The following SEMA5A variants were observed in gnomAD, a reference collection of about 807,000 sequenced individuals.
The protein encoded by SEMA5A is semaphorin 5A.
In SEMA5A, 55 loss-of-function variants were observed where a neutral mutation model predicts 135.5. That is an observed-to-expected ratio of 0.41 (90% CI 0.33 to 0.51). The LOEUF (loss-of-function observed/expected upper bound fraction) is 0.51, where lower values mean the gene tolerates loss of function less well. Among genes scored for constraint, SEMA5A ranks in the 20% least tolerant of loss-of-function variants. The pLI, the probability that SEMA5A is intolerant of heterozygous loss-of-function variation, is 0.37. For missense variants in SEMA5A, 1,290 were observed against 1,419.9 expected, an observed-to-expected ratio of 0.91 and a Z score of 1.47; for synonymous variants, 580 against 546.5, an observed-to-expected ratio of 1.06 and a Z score of -0.85.
intron 5 of SEMA5A, among the ~76,000 whole-genome samples, chr5:9,250,538 T>C (rs1348238594): frequency 6.6e-6 from 1 of 152,188 alleles, no homozygotes; most frequent in Non-Finnish European, 1.5e-5. Context: ...GTTTTGATCA[T>C]CACACTTTTA....
intron 4 of SEMA5A, among the ~76,000 whole-genome samples, chr5:9,328,684 G>A (rs1752984105): frequency 6.6e-6 from 1 of 152,172 alleles, no homozygotes; most frequent in Non-Finnish European, 1.5e-5. Flanking sequence ...GCTGAGGCAG[G>A]AGAATTGCTT....
chr5:9,498,539 G>T (rs1027714730), intron 1 of SEMA5A: 1 of 152,140 alleles, frequency 6.6e-6, no homozygotes, highest in East Asian at 1.9e-4. Context: ...TGGATGCTAC[G>T]TGGAAGGTGG....
At chr5:9,514,678 C>T (rs1387630821) in intron 1 of SEMA5A, among the ~76,000 whole-genome samples, 1 of 152,162 alleles carries the variant, frequency 6.6e-6, no homozygotes, top group Non-Finnish European at 1.5e-5. Flanking sequence ...AAAGTCTGTA[C>T]ATGTTCAGTA....
At chr5:9,048,187 G>T (rs1226737415) in intron 21 of SEMA5A, among the ~76,000 whole-genome samples, 9 of 152,266 alleles carry the variant, frequency 5.9e-5, no homozygotes, top group African/African-American at 2.2e-4. Flanking sequence ...CAGGGCTACT[G>T]TGGCTCGAGC....
rs1277481065 is a variant in SEMA5A at position 9,162,456 on chromosome 5, A to G, written c.1274-7761T>C. 2.4e-4 allele frequency among the ~76,000 whole-genome samples: 29 copies of G among 121,230 alleles called. 1 individual carries two copies. Among genetic ancestry groups the G allele is most frequent in the East Asian group, 8.8e-4 (4 of 4,544 alleles). 79.5% of individuals were successfully genotyped at this position (121,230 alleles called of 152,430 possible). On this transcript the variant is annotated intron_variant, in intron 11 of 22. Coordinates refer to ENST00000382496, the MANE Select transcript of SEMA5A (RefSeq NM_003966.3). ...TATATATATGTGTATGTGTATATAT[A>G]TGTGTGTGTATATATATGTGTGTGT...
chr5:9,272,925 A>C (rs1750058795), intron 5 of SEMA5A, among the ~76,000 whole-genome samples: 1 of 152,136 alleles, frequency 6.6e-6, no homozygotes. Flanking sequence ...AAAAATACTA[A>C]AAATTCCAAA....
rs117548417 is a variant in SEMA5A, at chr5:9,111,551, G to A, written c.1926-3264C>T. ...GTGTTAATAAATTGTCTACTGAGCT[G>A]CATTTTAAGGTTGTCAATAACCTGC... On this transcript the variant is annotated intron_variant, in intron 15 of 22. Coordinates refer to ENST00000382496, the MANE Select transcript of SEMA5A (RefSeq NM_003966.3). 7.9e-5 allele frequency among the ~76,000 whole-genome samples: 12 copies of A among 152,290 alleles called. No individual in the cohort carries two copies. The East Asian group carries it at 1.9e-3, about 24-fold the overall frequency.
intron 5 of SEMA5A, among the ~76,000 whole-genome samples, chr5:9,290,119 G>A (rs563682654): frequency 7.2e-5 from 11 of 152,020 alleles, no homozygotes; most frequent in African/African-American, 2.2e-4. Context: ...AAGTTTTTTC[G>A]TGGTGATTTC....
At chr5:9,496,927 A>G (rs1735333808) in intron 1 of SEMA5A, among the ~76,000 whole-genome samples, 1 of 152,256 alleles carries the variant, frequency 6.6e-6, no homozygotes, top group Non-Finnish European at 1.5e-5. Flanking sequence ...CGAGTGGAGC[A>G]TTTGAGATAA....
At chr5:9,123,281 A>C in intron 13 of SEMA5A, among the ~76,000 whole-genome samples, 1 of 129,816 alleles carries the variant, frequency 7.7e-6, no homozygotes, top group African/African-American at 3.3e-5. Context: ...AAAAAAAAAA[A>C]AAAAAAAAAA....
chr5:9,292,109 G>A (rs4540155), intron 5 of SEMA5A, among the ~76,000 whole-genome samples: 133,271 of 152,070 alleles, frequency 0.88, 59,603 homozygotes, highest in East Asian at 0.97. Flanking sequence ...CAACAGTGGC[G>A]TTTAGAAGAT....
At chr5:9,228,599 GCA>G (rs1019502204) in intron 6 of SEMA5A, among the ~76,000 whole-genome samples, 29 of 152,246 alleles carry the variant, frequency 1.9e-4, no homozygotes, top group African/African-American at 7.0e-4. Context: ...AAACCAATGT[GCA>G]GGATAAGCTG....
intron 5 of SEMA5A, among the ~76,000 whole-genome samples, chr5:9,293,468 G>A (rs951333854): frequency 6.6e-6 from 1 of 152,118 alleles, no homozygotes; most frequent in African/African-American, 2.4e-5. Flanking sequence ...ACACAAACTT[G>A]AACTTTTGAA....
intron 1 of SEMA5A, among the ~76,000 whole-genome samples, chr5:9,450,627 T>C (rs1299719405): frequency 6.6e-6 from 1 of 152,064 alleles, no homozygotes; most frequent in Non-Finnish European, 1.5e-5. Context: ...CTCTCCCCAG[T>C]CAGCCACAGA....
chr5:9,042,987 C>T lies in SEMA5A; in HGVS notation c.3135G>A (p.Glu1045=), dbSNP rs775379118. 1.9e-6 allele frequency: 3 copies of T among 1,611,754 alleles called. No individual in the cohort carries two copies. Among genetic ancestry groups the T allele is most frequent in the East Asian group, 2.2e-5 (1 of 44,798 alleles). Residue 1045 remains glutamate (E), a synonymous_variant, in exon 23 of 23, where the codon GAG becomes GAA. Coordinates refer to ENST00000382496, the MANE Select transcript of SEMA5A (RefSeq NM_003966.3). ...KAFNKNNLIL[E]ERNKYFNPHL... is the part of the protein sequence containing the mutation. ...GTGGGTTGAAGTATTTGTTTCTTTC[C>T]TCTAGGATCAAGTTGTTTTTGTTAA...
chr5:9,525,695 C>A (rs115210285), intron 1 of SEMA5A, among the ~76,000 whole-genome samples: 1,962 of 152,294 alleles, frequency 0.013, 15 homozygotes, highest in Non-Finnish European at 0.02. Context: ...GGTCCTGTCC[C>A]TGCTAAAATC....
intron 11 of SEMA5A, among the ~76,000 whole-genome samples, chr5:9,164,125 CATATAA>C: frequency 9.8e-6 from 1 of 101,536 alleles, no homozygotes; most frequent in African/African-American, 5.0e-5. Context: ...ATAAATATAT[CATATAA>C]ATATTTATAT....
Position 9,075,455 on chromosome 5 carries a change from G to A in SEMA5A, c.2074-8809C>T, listed in dbSNP as rs149536785. Among the ~76,000 whole-genome samples, 18 of 151,362 alleles carry A rather than the reference G, an allele frequency of 1.2e-4. No individual in the cohort carries two copies. In the East Asian group the frequency reaches 2.3e-3, roughly 20 times the overall value. On this transcript the variant is annotated intron_variant, in intron 16 of 22. Coordinates refer to ENST00000382496, the MANE Select transcript of SEMA5A (RefSeq NM_003966.3). ...GCCATCAGCAGATGGATAGCTAAAC[G>A]AATAATCTTATGGAATATTAATCAG...
At chr5:9,248,963 A>T (rs1408348284) in intron 5 of SEMA5A, among the ~76,000 whole-genome samples, 1 of 152,170 alleles carries the variant, frequency 6.6e-6, no homozygotes, top group Non-Finnish European at 1.5e-5. Flanking sequence ...CAGCAGCCAT[A>T]CAAAACTAAT....
Sources: gnomAD v4.1 joint callset for allele counts (sites outside exome capture counted in the v4.1 genomes callset) on GRCh38, gnomAD v4.1.1 for gene constraint, MANE v1.5 for transcripts, NCBI Gene and HGNC (gene_info 2026-07-23, HGNC 2026-07-21) for gene names.